ERBB4: variants seen among roughly 807,000 people sequenced by gnomAD.
ERBB4 encodes the protein erb-b2 receptor tyrosine kinase 4.
Under a neutral mutation model 158.0 loss-of-function variants are expected in ERBB4, and 42 were observed. The ratio of observed to expected loss-of-function variants is 0.27; its 90% CI spans 0.21 to 0.34. The LOEUF (loss-of-function observed/expected upper bound fraction) is 0.34, where lower values mean the gene tolerates loss of function less well. Among genes scored for constraint, ERBB4 ranks in the 10% least tolerant of loss-of-function variants. The probability of loss-of-function intolerance (pLI) is 1.00; values close to 1 mark genes in which losing one functional copy is unlikely to be tolerated. For synonymous variants in ERBB4, 583 were observed against 558.7 expected, an observed-to-expected ratio of 1.04 and a Z score of -0.61; for missense variants, 1,333 against 1,624.1, an observed-to-expected ratio of 0.82 and a Z score of 3.08.
chr2:212,153,323 AAAGT>A (rs1173548090), intron 1 of ERBB4, among the ~76,000 whole-genome samples: 1 of 152,172 alleles, frequency 6.6e-6, no homozygotes, highest in African/African-American at 2.4e-5. Flanking sequence ...GTTGTTTCAC[AAAGT>A]GAGTAAGAAC....
At chr2:211,875,051 C>CAAAAAAAAAAA (rs1559600662) in intron 3 of ERBB4, among the ~76,000 whole-genome samples, 1 of 36,096 alleles carries the variant, frequency 2.8e-5, no homozygotes, top group African/African-American at 1.1e-4. Context: ...AAAAAAAAAA[C>CAAAAAAAAAAA]AAACTCAAAT....
At chr2:211,733,254 G>A (rs754607723) in intron 5 of ERBB4, among the ~76,000 whole-genome samples, 2 of 152,170 alleles carry the variant, frequency 1.3e-5, no homozygotes, top group Non-Finnish European at 2.9e-5. Flanking sequence ...TTGGTCACCA[G>A]GGAAATTCTC....
chr2:212,510,237 A>C (rs1691442970), intron 1 of ERBB4, among the ~76,000 whole-genome samples: 1 of 145,996 alleles, frequency 6.8e-6, no homozygotes, highest in African/African-American at 2.5e-5. Flanking sequence ...ATATATAACT[A>C]CTCCCATCCA....
At chr2:211,733,919 A>G (rs1003887558) in intron 5 of ERBB4, among the ~76,000 whole-genome samples, 3 of 147,430 alleles carry the variant, frequency 2.0e-5, no homozygotes, top group Admixed American at 2.0e-4. Context: ...TGTCTCTACT[A>G]AAAATACAAA....
intron 22 of ERBB4, among the ~76,000 whole-genome samples, chr2:211,425,108 ATAATT>A (rs979945780): frequency 4.6e-5 from 7 of 152,078 alleles, no homozygotes; most frequent in Non-Finnish European, 7.4e-5. Context: ...TAATGATTAT[ATAATT>A]TAAGATAATA....
At chr2:212,385,528 T>C (rs1386345218) in intron 1 of ERBB4, among the ~76,000 whole-genome samples, 3 of 151,892 alleles carry the variant, frequency 2.0e-5, no homozygotes, top group Admixed American at 1.3e-4. Context: ...CTCTTCTTGA[T>C]ATAAACCAAA....
intron 1 of ERBB4, among the ~76,000 whole-genome samples, chr2:212,151,594 A>T (rs2080871037): frequency 6.6e-6 from 1 of 152,050 alleles, no homozygotes; most frequent in South Asian, 2.1e-4. Context: ...AAGTAAAAAT[A>T]AAAATGGTCC....
intron 1 of ERBB4, among the ~76,000 whole-genome samples, chr2:212,399,085 G>A (rs2091115390): frequency 6.6e-6 from 1 of 151,906 alleles, no homozygotes; most frequent in Non-Finnish European, 1.5e-5. Context: ...CTGGACTAAA[G>A]ATGCCCACCA....
intron 5 of ERBB4, among the ~76,000 whole-genome samples, chr2:211,727,726 A>G (rs2074310956): frequency 6.6e-6 from 1 of 152,032 alleles, no homozygotes. Flanking sequence ...ATAATGCACA[A>G]TATTGAAAGA....
At chr2:212,458,038 AT>A (rs2106054483) in intron 1 of ERBB4, among the ~76,000 whole-genome samples, 1 of 152,260 alleles carries the variant, frequency 6.6e-6, no homozygotes, top group South Asian at 2.1e-4. Context: ...TTAATAGGAA[AT>A]AATCAGCTAG....
intron 1 of ERBB4, among the ~76,000 whole-genome samples, chr2:212,433,429 C>T (rs1268219326): frequency 6.6e-6 from 1 of 151,942 alleles, no homozygotes; most frequent in African/African-American, 2.4e-5. Context: ...AAATTTCTCA[C>T]CCCTGCAAAA....
intron 2 of ERBB4, among the ~76,000 whole-genome samples, chr2:212,094,289 A>G (rs1329190772): frequency 6.7e-6 from 1 of 150,018 alleles, no homozygotes; most frequent in Admixed American, 6.6e-5. Flanking sequence ...ATAAAATAAA[A>G]TTAAATTACA....
At chr2:212,010,003 A>C (rs1024935956) in intron 2 of ERBB4, among the ~76,000 whole-genome samples, 1 of 152,212 alleles carries the variant, frequency 6.6e-6, no homozygotes, top group Non-Finnish European at 1.5e-5. Flanking sequence ...TCCGTTTTAA[A>C]ATCCTCAATC....
At chr2:211,495,966 A>G (rs2065458627) in intron 20 of ERBB4, among the ~76,000 whole-genome samples, 1 of 152,026 alleles carries the variant, frequency 6.6e-6, no homozygotes, top group South Asian at 2.1e-4. Flanking sequence ...AATAATCTCC[A>G]TACTGATAAA....
rs1344078442 is a variant in ERBB4, at chr2:211,619,577, A to C, written c.2203-302T>G. 2.0e-5 allele frequency among the ~76,000 whole-genome samples: 3 copies of C among 152,172 alleles called. No individual in the cohort carries two copies. The East Asian group carries it at 5.8e-4, about 29-fold the overall frequency. Reference sequence around the variant, plus strand: ...AGTGAAGACAGCATGGAAATAGGATAGCAAAAGAATATCTGATTTGGATGG... The same window carrying C: ...AGTGAAGACAGCATGGAAATAGGATCGCAAAAGAATATCTGATTTGGATGG... On this transcript the variant is annotated intron_variant, in intron 18 of 27. Coordinates refer to ENST00000342788, the MANE Select transcript of ERBB4 (RefSeq NM_005235.3).
intron 1 of ERBB4, among the ~76,000 whole-genome samples, chr2:212,324,618 A>C (rs1399895790): frequency 6.7e-6 from 1 of 150,258 alleles, no homozygotes; most frequent in Non-Finnish European, 1.5e-5. Flanking sequence ...TAAATGAAAA[A>C]AATAGGTGGA....
intron 2 of ERBB4, among the ~76,000 whole-genome samples, chr2:212,072,192 T>C (rs1220123788): frequency 1.3e-5 from 2 of 151,988 alleles, no homozygotes; most frequent in Non-Finnish European, 2.9e-5. Flanking sequence ...CTAGTCTAAC[T>C]CTACTAAACT....
intron 3 of ERBB4, among the ~76,000 whole-genome samples, chr2:211,870,464 T>G (rs2078316920): frequency 6.6e-6 from 1 of 152,138 alleles, no homozygotes; most frequent in Admixed American, 6.5e-5. Context: ...ATTTTGAAAC[T>G]TAGTCATATG....
At chr2:212,488,275 T>C (rs112219704) in intron 1 of ERBB4, among the ~76,000 whole-genome samples, 1,691 of 152,050 alleles carry the variant, frequency 0.011, 34 homozygotes, top group African/African-American at 0.039. Flanking sequence ...TCTGCTTTGC[T>C]TTTTTTCCTA....
Sources: gnomAD v4.1 joint callset for allele counts (sites outside exome capture counted in the v4.1 genomes callset) on GRCh38, gnomAD v4.1.1 for gene constraint, MANE v1.5 for transcripts, NCBI Gene and HGNC (gene_info 2026-07-23, HGNC 2026-07-21) for gene names.